The following NLGN1 variants were observed in gnomAD, a reference collection of about 807,000 sequenced individuals.
NLGN1 encodes neuroligin 1, also known as neuroligin-1.
NLGN1 carries 12 observed loss-of-function variants against 65.5 expected under a neutral mutation model. The observed-to-expected ratio is 0.18, with a 90% CI of 0.12 to 0.30. The LOEUF (loss-of-function observed/expected upper bound fraction) is 0.30, where lower values mean the gene tolerates loss of function less well. NLGN1 is among the 10% of genes least tolerant of loss of function. The pLI is 1.00. For missense variants in NLGN1, 750 were observed against 1,007.1 expected, an observed-to-expected ratio of 0.74 and a Z score of 3.46; for synonymous variants, 350 against 359.5, an observed-to-expected ratio of 0.97 and a Z score of 0.30.
At chr3:173,763,270 C>T (rs961809750) in intron 3 of NLGN1, among the ~76,000 whole-genome samples, 2 of 151,974 alleles carry the variant, frequency 1.3e-5, no homozygotes, top group Non-Finnish European at 2.9e-5. Flanking sequence ...TACCTGACCC[C>T]TTTTTTTGTC....
chr3:173,594,088 C>A (rs1255550415), intron 2 of NLGN1, among the ~76,000 whole-genome samples: 1 of 152,138 alleles, frequency 6.6e-6, no homozygotes, highest in Non-Finnish European at 1.5e-5. Context: ...CTGGCCCCTC[C>A]AAATCTCATG....
chr3:174,074,933 T>G (rs1740609298), intron 4 of NLGN1, among the ~76,000 whole-genome samples: 1 of 152,188 alleles, frequency 6.6e-6, no homozygotes, highest in African/African-American at 2.4e-5. Flanking sequence ...ATTGCTAGTA[T>G]ATAACAGACA....
chr3:173,933,592 C>T (rs923843380), intron 4 of NLGN1, among the ~76,000 whole-genome samples: 1 of 152,088 alleles, frequency 6.6e-6, no homozygotes, highest in Non-Finnish European at 1.5e-5. Flanking sequence ...TGGGAAGACC[C>T]CAAGGATTTT....
intron 4 of NLGN1, among the ~76,000 whole-genome samples, chr3:174,144,276 T>C (rs1722805204): frequency 1.3e-5 from 2 of 152,246 alleles, no homozygotes; most frequent in Non-Finnish European, 2.9e-5. Flanking sequence ...TAGTATTCCA[T>C]GGTGTATATG....
intron 3 of NLGN1, among the ~76,000 whole-genome samples, chr3:173,798,567 G>A (rs996864674): frequency 2.6e-5 from 4 of 151,926 alleles, no homozygotes; most frequent in Non-Finnish European, 5.9e-5. Flanking sequence ...ATTTAAACAG[G>A]GTCATGTTAA....
At chr3:174,102,930 G>A (rs1712876819) in intron 4 of NLGN1, among the ~76,000 whole-genome samples, 1 of 152,108 alleles carries the variant, frequency 6.6e-6, no homozygotes, top group African/African-American at 2.4e-5. Flanking sequence ...GAATTGAACT[G>A]GTAATGAGAT....
chr3:173,603,705 C>T (rs1750927679), intron 2 of NLGN1, among the ~76,000 whole-genome samples: 1 of 152,014 alleles, frequency 6.6e-6, no homozygotes, highest in African/African-American at 2.4e-5. Context: ...TGAGATACAG[C>T]AAGGAAGTGA....
At chr3:174,249,086 A>G (rs1744317405) in intron 4 of NLGN1, among the ~76,000 whole-genome samples, 1 of 152,212 alleles carries the variant, frequency 6.6e-6, no homozygotes, top group Non-Finnish European at 1.5e-5. Context: ...TCTTAATGGT[A>G]CAGCCTTAGA....
In NLGN1 at chr3:173,944,124, G is replaced by GGTGTGTGTGTGT. The variant is rs1553897255; in HGVS notation, c.646+136319_646+136330dup. The stretch of plus-strand genomic sequence containing the variant: ...TTTTAAATGTCCAGTTAATATTATG[G>GGTGTGTGTGTGT]GTGTGTGTGTGTGTGTGTGTGTGTG... On this transcript the variant is annotated intron_variant, in intron 4 of 6. Transcript: ENST00000457714. 3.6e-3 allele frequency among the ~76,000 whole-genome samples: 507 copies of GGTGTGTGTGTGT among 139,566 alleles called. 6 individuals carry two copies. The highest frequency in any genetic ancestry group is 0.012 in the African/African-American group (426 of 36,522). 91.6% of individuals were successfully genotyped at this position (139,566 alleles called of 152,430 possible). A position where few individuals can be genotyped will look rare whatever the true frequency, so the allele number is the denominator to read the frequency against.
At chr3:173,611,180 G>C (rs1752229972) in intron 3 of NLGN1, among the ~76,000 whole-genome samples, 1 of 152,018 alleles carries the variant, frequency 6.6e-6, no homozygotes, top group South Asian at 2.1e-4. Flanking sequence ...TAAGGAAAAT[G>C]AAGATAGAAT....
At chr3:173,415,904 T>TAGAGAGAGAG (rs1553844214) in intron 1 of NLGN1, among the ~76,000 whole-genome samples, 8 of 125,440 alleles carry the variant, frequency 6.4e-5, no homozygotes, top group African/African-American at 2.6e-4. Context: ...TATATATATA[T>TAGAGAGAGAG]AGAGAGAGAG....
chr3:173,752,815 C>G (rs1194279436), intron 3 of NLGN1, among the ~76,000 whole-genome samples: 2 of 152,046 alleles, frequency 1.3e-5, no homozygotes, highest in African/African-American at 4.8e-5. Flanking sequence ...CTACTTCTCC[C>G]TCTCAAATCT....
intron 4 of NLGN1, among the ~76,000 whole-genome samples, chr3:174,232,675 T>G (rs949206143): frequency 6.6e-6 from 1 of 151,950 alleles, no homozygotes; most frequent in African/African-American, 2.4e-5. Flanking sequence ...CAAGACAGGT[T>G]GAAAGAGAGA....
At chr3:174,184,802 G>A (rs915335397) in intron 4 of NLGN1, among the ~76,000 whole-genome samples, 4 of 152,114 alleles carry the variant, frequency 2.6e-5, no homozygotes, top group African/African-American at 9.7e-5. Context: ...TGATAAAATT[G>A]CTGTATAGGA....
At chr3:174,113,241 T>C (rs1225997844) in intron 4 of NLGN1, among the ~76,000 whole-genome samples, 1 of 152,004 alleles carries the variant, frequency 6.6e-6, no homozygotes, top group Non-Finnish European at 1.5e-5. Flanking sequence ...AAAAAATACA[T>C]TTTCACATGC....
At chr3:173,554,223 A>G (rs1274183443) in intron 2 of NLGN1, among the ~76,000 whole-genome samples, 1 of 152,210 alleles carries the variant, frequency 6.6e-6, no homozygotes, top group Non-Finnish European at 1.5e-5. Context: ...ATTAAAGATG[A>G]TTTAGAATTA....
At chr3:173,737,364 A>T (rs1773938117) in intron 3 of NLGN1, among the ~76,000 whole-genome samples, 1 of 152,070 alleles carries the variant, frequency 6.6e-6, no homozygotes, top group South Asian at 2.1e-4. Flanking sequence ...TTTTGAAACC[A>T]TCACCACAAT....
exon 7 of NLGN1, chr3:174,283,814 C>T (rs183603031): frequency 6.6e-6 from 1 of 151,454 alleles, no homozygotes; most frequent in East Asian, 1.9e-4. Context: ...TGCCAGTGTA[C>T]ACAAATACAA....
chr3:173,918,719 A>G (rs576027617), intron 4 of NLGN1, among the ~76,000 whole-genome samples: 21 of 149,202 alleles, frequency 1.4e-4, no homozygotes, highest in African/African-American at 5.2e-4. Context: ...TATATATTGC[A>G]TAGAATGGTA....
Sources: allele counts gnomAD v4.1 joint callset (sites outside exome capture counted in the v4.1 genomes callset), GRCh38; gene constraint gnomAD v4.1.1; transcripts MANE v1.5; gene names NCBI Gene and HGNC (gene_info 2026-07-23, HGNC 2026-07-21).